Variants in CCDC192 observed in about 807,000 individuals in gnomAD.
The protein encoded by CCDC192 is coiled-coil domain-containing protein 192.
chr5:127,873,497 C>G (rs1451092632), intron 5 of CCDC192, among the ~76,000 whole-genome samples: 1 of 152,152 alleles, frequency 6.6e-6, no homozygotes, highest in Non-Finnish European at 1.5e-5. Context: ...ATCAAACTGT[C>G]TTATTTATGC....
chr5:127,841,371 A>G (rs956831180), intron 5 of CCDC192, among the ~76,000 whole-genome samples: 1 of 152,204 alleles, frequency 6.6e-6, no homozygotes, highest in Non-Finnish European at 1.5e-5. Context: ...ATCAATGTGC[A>G]CCAGATGGGG....
At chr5:127,743,114 G>A (rs1320190197) in intron 2 of CCDC192, among the ~76,000 whole-genome samples, 1 of 152,018 alleles carries the variant, frequency 6.6e-6, no homozygotes, top group Non-Finnish European at 1.5e-5. Context: ...GAGGGGATGA[G>A]AAGAGAGAAG....
intron 6 of CCDC192, among the ~76,000 whole-genome samples, chr5:127,883,774 G>A (rs173444): frequency 0.31 from 47,418 of 152,058 alleles, 7,401 homozygotes; most frequent in East Asian, 0.44. Context: ...TTAGAGACCT[G>A]TAGGCTTAAA....
At chr5:127,936,163 T>C (rs187244264) in intron 6 of CCDC192, among the ~76,000 whole-genome samples, 3 of 152,236 alleles carry the variant, frequency 2.0e-5, no homozygotes, top group African/African-American at 4.8e-5. Context: ...ATAATTCCTA[T>C]ACTGGTAGCA....
At chr5:127,918,596 C>T (rs1406189009) in intron 6 of CCDC192, among the ~76,000 whole-genome samples, 2 of 152,184 alleles carry the variant, frequency 1.3e-5, no homozygotes, top group Non-Finnish European at 2.9e-5. Context: ...TGCTAATTTG[C>T]ATTACTCCAT....
intron 6 of CCDC192, among the ~76,000 whole-genome samples, chr5:127,926,579 G>C (rs946623383): frequency 1.3e-5 from 2 of 152,170 alleles, no homozygotes; most frequent in Non-Finnish European, 2.9e-5. Flanking sequence ...TAAATCAACA[G>C]AACTTTGTGA....
At chr5:127,913,416 C>T (rs1176347958) in intron 6 of CCDC192, among the ~76,000 whole-genome samples, 1 of 152,182 alleles carries the variant, frequency 6.6e-6, no homozygotes, top group Non-Finnish European at 1.5e-5. Context: ...GGTTCTACAT[C>T]TTGAGGCCTC....
chr5:127,711,723 G>A (rs369670881), intron 2 of CCDC192, among the ~76,000 whole-genome samples: 2 of 151,984 alleles, frequency 1.3e-5, no homozygotes, highest in African/African-American at 2.4e-5. Context: ...AGGAGGTATC[G>A]CTGTTTATTG....
chr5:127,880,777 C>G (rs1402839384), intron 6 of CCDC192, among the ~76,000 whole-genome samples: 2 of 151,850 alleles, frequency 1.3e-5, no homozygotes, highest in African/African-American at 4.8e-5. Flanking sequence ...ATCAGGAGTT[C>G]GAGACCAGCC....
intron 5 of CCDC192, among the ~76,000 whole-genome samples, chr5:127,800,181 T>C (rs947907383): frequency 2.0e-5 from 3 of 151,746 alleles, no homozygotes; most frequent in African/African-American, 4.8e-5. Flanking sequence ...TCCTTTTCTC[T>C]TTCTGTTCAC....
chr5:127,900,628 T>C (rs527391514), intron 6 of CCDC192, among the ~76,000 whole-genome samples: 3 of 152,298 alleles, frequency 2.0e-5, no homozygotes, highest in African/African-American at 7.2e-5. Flanking sequence ...GATTTTTTTA[T>C]TCAAAAAGAC....
chr5:127,912,859 C>T (rs1753415195), intron 6 of CCDC192, among the ~76,000 whole-genome samples: 1 of 152,148 alleles, frequency 6.6e-6, no homozygotes, highest in South Asian at 2.1e-4. Context: ...TAGAATAAAA[C>T]ACAGTCAGTT....
At chr5:127,771,001 G>A (rs935873131) in intron 3 of CCDC192, among the ~76,000 whole-genome samples, 9 of 152,136 alleles carry the variant, frequency 5.9e-5, no homozygotes, top group Non-Finnish European at 1.2e-4. Flanking sequence ...TAGAGGGAAT[G>A]ACTTTTGAGC....
chr5:127,917,467 C>G (rs915728629), intron 6 of CCDC192, among the ~76,000 whole-genome samples: 1 of 152,212 alleles, frequency 6.6e-6, no homozygotes, highest in African/African-American at 2.4e-5. Flanking sequence ...TAAGCTTAAT[C>G]TTTTCTAGCT....
intron 2 of CCDC192, among the ~76,000 whole-genome samples, chr5:127,708,498 C>T (rs1182191957): frequency 2.0e-5 from 3 of 152,192 alleles, no homozygotes; most frequent in Non-Finnish European, 4.4e-5. Flanking sequence ...TGAAGACCCT[C>T]TGGACTCCAC....
chr5:127,766,608 TAAAAAAA>T (rs548715145), intron 3 of CCDC192, among the ~76,000 whole-genome samples: 6 of 98,972 alleles, frequency 6.1e-5, no homozygotes, highest in African/African-American at 1.5e-4. Context: ...ACGTCCTGTG[TAAAAAAA>T]AAAAAAAAAA....
chr5:127,882,203 G>A (rs151088639), intron 6 of CCDC192, among the ~76,000 whole-genome samples: 1 of 152,178 alleles, frequency 6.6e-6, no homozygotes, highest in Non-Finnish European at 1.5e-5. Context: ...ACATTTTAGT[G>A]ATTTTTCAGT....
intron 5 of CCDC192, among the ~76,000 whole-genome samples, chr5:127,813,557 G>T (rs893643614): frequency 1.1e-4 from 16 of 152,036 alleles, no homozygotes; most frequent in African/African-American, 3.9e-4. Context: ...TTTACTGAGG[G>T]CTGACATAAA....
chr5:127,903,760 A>G (rs1753121535), intron 6 of CCDC192, among the ~76,000 whole-genome samples: 1 of 152,216 alleles, frequency 6.6e-6, no homozygotes, highest in Non-Finnish European at 1.5e-5. Context: ...ATTTTAGGTG[A>G]CCAAAATTTG....
Sources: allele counts gnomAD v4.1 joint callset (sites outside exome capture counted in the v4.1 genomes callset), GRCh38; gene constraint gnomAD v4.1.1; transcripts MANE v1.5; gene names NCBI Gene and HGNC (gene_info 2026-07-23, HGNC 2026-07-21).